RAB38: variants seen among roughly 807,000 people sequenced by gnomAD.
The protein encoded by RAB38 is ras-related protein Rab-38.
A neutral mutation model predicts 18.4 loss-of-function variants in RAB38; 15 were observed. The ratio of observed to expected loss-of-function variants is 0.82; its 90% CI spans 0.55 to 1.26. The LOEUF is 1.26. Among genes scored for constraint, RAB38 ranks in the 50% most tolerant of loss-of-function variants. RAB38 has a pLI of 0.00. For synonymous variants in RAB38, 101 were observed against 104.4 expected (o/e 0.97, Z 0.20); for missense variants, 294 against 267.4 (o/e 1.10, Z -0.69).
chr11:88,054,231 G>A, the RAB38 span, among the ~76,000 whole-genome samples: 1 of 152,106 alleles, frequency 6.6e-6, no homozygotes, highest in Admixed American at 6.5e-5. Context: ...CCCTCTAACT[G>A]GCCTTCCATC....
At chr11:88,029,297 G>A in the RAB38 span, among the ~76,000 whole-genome samples, 36 of 151,858 alleles carry the variant, frequency 2.4e-4, no homozygotes, top group African/African-American at 8.2e-4. Flanking sequence ...AAAGACCATC[G>A]AGACTAGGAA....
At chr11:88,092,036 T>C in the RAB38 span, among the ~76,000 whole-genome samples, 2 of 151,848 alleles carry the variant, frequency 1.3e-5, no homozygotes, top group Non-Finnish European at 2.9e-5. Context: ...GTCATTGTCA[T>C]GACATTTGTA....
At chr11:87,928,073 GA>G in the RAB38 span, among the ~76,000 whole-genome samples, 1 of 151,198 alleles carries the variant, frequency 6.6e-6, no homozygotes, top group Non-Finnish European at 1.5e-5. Context: ...GCAAGACCCT[GA>G]AAAAAATAAG....
At chr11:88,121,074 T>C (rs1056575745) in intron 2 of RAB38, among the ~76,000 whole-genome samples, 20 of 152,342 alleles carry the variant, frequency 1.3e-4, no homozygotes, top group African/African-American at 3.8e-4. Context: ...GCTACCTGCA[T>C]ACCTCCATGT....
At chr11:88,013,739 G>T in the RAB38 span, among the ~76,000 whole-genome samples, 4 of 152,064 alleles carry the variant, frequency 2.6e-5, no homozygotes, top group Admixed American at 6.6e-5. Flanking sequence ...AGAGTTTATG[G>T]TTTACTAATG....
the RAB38 span, among the ~76,000 whole-genome samples, chr11:87,927,971 G>T: frequency 6.6e-6 from 1 of 151,818 alleles, no homozygotes; most frequent in Non-Finnish European, 1.5e-5. Context: ...TCAGGTACTC[G>T]GGAGGCTGAG....
chr11:88,026,687 T>C, the RAB38 span, among the ~76,000 whole-genome samples: 3 of 150,062 alleles, frequency 2.0e-5, no homozygotes, highest in African/African-American at 7.3e-5. Flanking sequence ...CGTTTTCTTC[T>C]AAAATTCTTA....
the RAB38 span, among the ~76,000 whole-genome samples, chr11:87,942,783 T>C: frequency 6.6e-6 from 1 of 152,158 alleles, no homozygotes; most frequent in Non-Finnish European, 1.5e-5. Flanking sequence ...AATTCTCACT[T>C]AGAGGAATGT....
intron 1 of RAB38, among the ~76,000 whole-genome samples, chr11:88,156,170 T>C (rs1440065554): frequency 6.6e-6 from 1 of 151,922 alleles, no homozygotes; most frequent in Non-Finnish European, 1.5e-5. Context: ...ACAAAAAAAA[T>C]CCAGAAAACA....
At chr11:88,093,647 A>G in the RAB38 span, among the ~76,000 whole-genome samples, 1 of 151,894 alleles carries the variant, frequency 6.6e-6, no homozygotes, top group Admixed American at 6.6e-5. Context: ...CACTACAGCC[A>G]GAAAGGGCTT....
chr11:88,036,544 TAATA>T, the RAB38 span, among the ~76,000 whole-genome samples: 7,445 of 152,214 alleles, frequency 0.049, 200 homozygotes, highest in Middle Eastern at 0.11. Context: ...CAATAAAACT[TAATA>T]AAGCTCACAA....
At chr11:88,021,645 C>T in the RAB38 span, among the ~76,000 whole-genome samples, 1 of 147,514 alleles carries the variant, frequency 6.8e-6, no homozygotes, top group Non-Finnish European at 1.5e-5. Context: ...GGCTGAGGTG[C>T]AGTGGCACGA....
chr11:87,813,044 C>T, the RAB38 span, among the ~76,000 whole-genome samples: 1 of 152,092 alleles, frequency 6.6e-6, no homozygotes, highest in Non-Finnish European at 1.5e-5. Context: ...TGACCCACAG[C>T]CAAACAGGAT....
chr11:88,005,105 C>A, the RAB38 span, among the ~76,000 whole-genome samples: 1 of 151,372 alleles, frequency 6.6e-6, no homozygotes, highest in Admixed American at 6.6e-5. Flanking sequence ...CAATAAGCTT[C>A]TTTTTGGTAG....
At chr11:88,087,740 C>T in the RAB38 span, among the ~76,000 whole-genome samples, 103,168 of 151,738 alleles carry the variant, frequency 0.68, 35,599 homozygotes, top group African/African-American at 0.8. Flanking sequence ...ACCATAGCAA[C>T]TGCAAACTGT....
At chr11:88,120,950 A>G (rs1942620772) in intron 2 of RAB38, among the ~76,000 whole-genome samples, 1 of 152,166 alleles carries the variant, frequency 6.6e-6, no homozygotes, top group East Asian at 1.9e-4. Context: ...GCTTTCTTTG[A>G]CACATCAGGA....
At chr11:87,931,463 C>T in the RAB38 span, among the ~76,000 whole-genome samples, 1 of 151,952 alleles carries the variant, frequency 6.6e-6, no homozygotes, top group Non-Finnish European at 1.5e-5. Flanking sequence ...TCTACTTTTG[C>T]TTGGGAGGGA....
chr11:88,067,221 G>C, the RAB38 span, among the ~76,000 whole-genome samples: 1 of 152,036 alleles, frequency 6.6e-6, no homozygotes, highest in Non-Finnish European at 1.5e-5. Flanking sequence ...GAATATTTAA[G>C]TTAAAGCAAG....
chr11:87,936,714 A>T, the RAB38 span, among the ~76,000 whole-genome samples: 4 of 152,162 alleles, frequency 2.6e-5, no homozygotes, highest in African/African-American at 9.6e-5. Context: ...AACCACAAAA[A>T]ATCTTGGTGG....
Sources: allele counts gnomAD v4.1 joint callset (sites outside exome capture counted in the v4.1 genomes callset), GRCh38; gene constraint gnomAD v4.1.1; transcripts MANE v1.5; gene names NCBI Gene and HGNC (gene_info 2026-07-23, HGNC 2026-07-21).